The following MYBL2 variants were observed in gnomAD, a reference collection of about 807,000 sequenced individuals.
The protein encoded by MYBL2 is myb-related protein B.
Under a neutral mutation model 79.9 loss-of-function variants are expected in MYBL2, and 28 were observed. That is an observed-to-expected ratio of 0.35 (90% CI 0.26 to 0.48). The LOEUF (loss-of-function observed/expected upper bound fraction) is 0.48. Ranked by LOEUF, MYBL2 falls within the 20% of genes least tolerant of loss-of-function variation. The pLI is 0.99. For synonymous variants in MYBL2, 378 were observed against 361.2 expected (o/e 1.05, Z -0.53); for missense variants, 735 against 893.9 (o/e 0.82, Z 2.27).
In MYBL2 at chr20:43,667,238, G is replaced by T; in HGVS notation, c.-46G>T. ...GACCCCGGCCCGGCTCCCGCTCCGG[G>T]CTCTGCCGGCGGGCGGGCGAGCGCG... On this transcript the variant is annotated 5_prime_UTR_variant, in exon 1 of 14. Transcript: ENST00000217026. 1 of 1,204,262 alleles carries T rather than the reference G, an allele frequency of 8.3e-7. No homozygotes were observed. 74.6% of individuals were successfully genotyped at this position (1,204,262 alleles called of 1,614,324 possible). A position where few individuals can be genotyped will look rare whatever the true frequency, so the allele number is the denominator to read the frequency against.
chr20:43,715,047 T>C, intron 12 of MYBL2, 87 bp from the exon 13 acceptor site: 3 of 1,487,154 alleles, frequency 2.0e-6, no homozygotes, highest in African/African-American at 1.4e-5. Flanking sequence ...AGCCAGGTGG[T>C]GGTGCTGGGG....
intron 1 of MYBL2, among the ~76,000 whole-genome samples, chr20:43,672,451 G>T (rs1329421272): frequency 6.6e-6 from 1 of 150,784 alleles, no homozygotes; most frequent in South Asian, 2.1e-4. Flanking sequence ...ATCAACACAC[G>T]AAAAAACAAC....
chr20:43,714,613 A>C (rs775822688), intron 12 of MYBL2, among the ~76,000 whole-genome samples: 24 of 152,172 alleles, frequency 1.6e-4, no homozygotes, highest in Non-Finnish European at 2.5e-4. Context: ...AGTTCTTTAG[A>C]ACAAGATTAA....
chr20:43,695,871 G>A (rs570602254), intron 6 of MYBL2, among the ~76,000 whole-genome samples: 14 of 152,054 alleles, frequency 9.2e-5, no homozygotes, highest in East Asian at 1.9e-4. Context: ...TGAGGTGGGC[G>A]TGGTGACACA....
chr20:43,670,758 G>A (rs1986834986), intron 1 of MYBL2, among the ~76,000 whole-genome samples: 1 of 152,156 alleles, frequency 6.6e-6, no homozygotes. Context: ...GGATAGCACA[G>A]TAAGCCTTCT....
chr20:43,708,399 C>T (rs918732504), intron 9 of MYBL2, among the ~76,000 whole-genome samples: 2 of 152,112 alleles, frequency 1.3e-5, no homozygotes, highest in African/African-American at 4.8e-5. Flanking sequence ...AAGGCCCGGC[C>T]TCTCCCTGAG....
chr20:43,686,911 G>A lies in MYBL2; in HGVS notation c.339G>A (p.Leu113=). 1 of 1,614,220 alleles carries A rather than the reference G, an allele frequency of 6.2e-7. No homozygotes were observed. The highest frequency in any genetic ancestry group is 8.5e-7 in the Non-Finnish European group (1 of 1,180,038). ...AGTGGACACTGATTGCCAAGCACCT[G>A]AAGGGCCGGCTGGGGAAGCAGTGCC... The part of the protein sequence containing the change: ...TKQWTLIAKH[L]KGRLGKQCRE... Residue 113 remains leucine, a synonymous_variant, in exon 5 of 14, where the codon CTG becomes CTA. Transcript: ENST00000217026.
rs780045814 is a variant in MYBL2 at position 43,699,926 on chromosome 20, A to G, written c.833A>G (p.Asp278Gly). The G allele has an allele frequency of 6.2e-7, 1 of 1,614,110 alleles. No homozygotes were observed. The highest frequency in any genetic ancestry group is 8.5e-7 in the Non-Finnish European group (1 of 1,180,028). The part of the protein sequence containing the change: ...EPLEEFPKRE[D>G]QEGSPPETSL... ...TTGGAGGAATTCCCGAAGCGTGAGG[A>G]CCAGGAAGGCTCCCCACCAGAAACG... The change falls in exon 7 of 14, where the codon GAC (aspartate) becomes GGC (glycine). Residue 278 changes from aspartate to glycine, a missense_variant. Physicochemically the swap from Asp to Gly is moderately conservative, Grantham distance 94. Coordinates refer to ENST00000217026, the MANE Select transcript of MYBL2 (RefSeq NM_002466.4).
intron 4 of MYBL2, among the ~76,000 whole-genome samples, chr20:43,684,803 C>T (rs1458454000): frequency 2.0e-5 from 3 of 150,270 alleles, no homozygotes; most frequent in South Asian, 2.1e-4. Flanking sequence ...CACCACTGTA[C>T]TCCAGTCTGG....
At chr20:43,671,375 C>T (rs1467424875) in intron 1 of MYBL2, among the ~76,000 whole-genome samples, 1 of 151,306 alleles carries the variant, frequency 6.6e-6, no homozygotes, top group Non-Finnish European at 1.5e-5. Context: ...CCAGGCTGGT[C>T]TCGAACTCCT....
At chr20:43,675,480 ATTC>A (rs1174947339) in intron 2 of MYBL2, among the ~76,000 whole-genome samples, 2 of 151,680 alleles carry the variant, frequency 1.3e-5, no homozygotes, top group Non-Finnish European at 1.5e-5. Context: ...TGCCCAGCTA[ATTC>A]TTGTATTTTT....
intron 7 of MYBL2, among the ~76,000 whole-genome samples, chr20:43,702,050 C>T (rs1185937162): frequency 6.6e-6 from 1 of 152,106 alleles, no homozygotes; most frequent in African/African-American, 2.4e-5. Flanking sequence ...TTGCTTGAAC[C>T]CGGAAGGCGG....
At chr20:43,710,270 A>G (rs1987876425) in intron 10 of MYBL2, among the ~76,000 whole-genome samples, 1 of 152,204 alleles carries the variant, frequency 6.6e-6, no homozygotes, top group African/African-American at 2.4e-5. Context: ...TGAGTTTGCA[A>G]GCACGCGCCG....
At chr20:43,684,584 C>T (rs1600548458) in intron 4 of MYBL2, among the ~76,000 whole-genome samples, 1 of 149,514 alleles carries the variant, frequency 6.7e-6, no homozygotes, top group Non-Finnish European at 1.5e-5. Flanking sequence ...CTATGTTTTC[C>T]AGGCTGGTCT....
intron 13 of MYBL2, 34 bp from the exon 14 acceptor site, chr20:43,715,925 C>T (rs920235746): frequency 2.5e-6 from 4 of 1,594,570 alleles, no homozygotes; most frequent in Non-Finnish European, 3.4e-6. Flanking sequence ...CACATAGTCC[C>T]TGCCTGGATG....
rs1383310356 is a variant in MYBL2 at position 43,716,144 on chromosome 20, G to A, written c.*57G>A. On this transcript the variant is annotated 3_prime_UTR_variant, in exon 14 of 14. Coordinates refer to ENST00000217026, the MANE Select transcript of MYBL2 (RefSeq NM_002466.4). Reference sequence around the variant, plus strand: ...GTTTACAGGGGTTGTGGGGGCAGAGGGGGTCTGTGAATCTGAGAGTCATTC... The same window carrying A: ...GTTTACAGGGGTTGTGGGGGCAGAGAGGGTCTGTGAATCTGAGAGTCATTC... 2.5e-6 allele frequency: 4 copies of A among 1,592,752 alleles called. No homozygotes were observed. In the East Asian group the frequency reaches 9.0e-5, roughly 36 times the overall value.
chr20:43,690,733 C>G (rs1463706710), intron 5 of MYBL2, among the ~76,000 whole-genome samples: 1 of 151,938 alleles, frequency 6.6e-6, no homozygotes, highest in Non-Finnish European at 1.5e-5. Context: ...GTGGTGACTA[C>G]TATGTGTCAG....
chr20:43,705,986 C>A (rs1002877010), intron 9 of MYBL2, among the ~76,000 whole-genome samples: 1 of 151,856 alleles, frequency 6.6e-6, no homozygotes, highest in Non-Finnish European at 1.5e-5. Context: ...AGGCGTGAGC[C>A]ACCACACCCG....
chr20:43,680,517 A>G (rs1987118532), intron 2 of MYBL2, among the ~76,000 whole-genome samples: 1 of 151,908 alleles, frequency 6.6e-6, no homozygotes, highest in Admixed American at 6.6e-5. Flanking sequence ...TTTGAGATGG[A>G]GTCTCACTCT....
Sources: gnomAD v4.1 joint callset for allele counts (sites outside exome capture counted in the v4.1 genomes callset) on GRCh38, gnomAD v4.1.1 for gene constraint, MANE v1.5 for transcripts, NCBI Gene and HGNC (gene_info 2026-07-23, HGNC 2026-07-21) for gene names.